B4GALT6: variants seen among roughly 807,000 people sequenced by gnomAD.
B4GALT6 encodes the protein UDP-Gal:beta-GlcNAc beta-1,4-galactosyltransferase 6.
In B4GALT6, 14 loss-of-function variants were observed where a neutral mutation model predicts 46.3. The observed-to-expected ratio is 0.30, with a 90% CI of 0.20 to 0.47. The LOEUF is 0.47. Among genes scored for constraint, B4GALT6 ranks in the 20% least tolerant of loss-of-function variants. The pLI is 0.99. For synonymous variants in B4GALT6, 168 were observed against 162.0 expected (o/e 1.04, Z -0.28); for missense variants, 386 against 480.1 (o/e 0.80, Z 1.83).
At chr18:31,717,784 G>A in the B4GALT6 span, among the ~76,000 whole-genome samples, 16 of 152,030 alleles carry the variant, frequency 1.1e-4, no homozygotes, top group East Asian at 1.7e-3. Context: ...GAGAAACCCC[G>A]TCTCTACTAA....
chr18:31,660,036 T>C (rs1184881429), intron 2 of B4GALT6, among the ~76,000 whole-genome samples: 1 of 150,058 alleles, frequency 6.7e-6, no homozygotes, highest in African/African-American at 2.4e-5. Flanking sequence ...CACTGCAGCA[T>C]TGACTTCCTG....
At chr18:31,659,442 CT>C (rs1567974463) in intron 2 of B4GALT6, among the ~76,000 whole-genome samples, 1 of 152,154 alleles carries the variant, frequency 6.6e-6, no homozygotes, top group East Asian at 1.9e-4. Context: ...TGCAAGACTG[CT>C]GAATGAAAGA....
At chr18:31,636,820 T>C (rs2073864464) in intron 5 of B4GALT6, among the ~76,000 whole-genome samples, 2 of 152,212 alleles carry the variant, frequency 1.3e-5, no homozygotes, top group Non-Finnish European at 2.9e-5. Context: ...AATTTATTTT[T>C]ATTTTTATTT....
chr18:31,674,481 T>C (rs1411954973), intron 1 of B4GALT6, among the ~76,000 whole-genome samples: 1 of 152,198 alleles, frequency 6.6e-6, no homozygotes, highest in African/African-American at 2.4e-5. Flanking sequence ...TCCCATATTA[T>C]CTACGGAACA....
At chr18:31,719,099 C>T in the B4GALT6 span, 3 of 152,226 alleles carry the variant, frequency 2.0e-5, no homozygotes, top group Non-Finnish European at 2.9e-5. Flanking sequence ...AATAGCTGCA[C>T]TCCCCTGCTA....
intron 1 of B4GALT6, among the ~76,000 whole-genome samples, chr18:31,682,551 T>G (rs1267904730): frequency 6.6e-6 from 1 of 152,200 alleles, no homozygotes; most frequent in Non-Finnish European, 1.5e-5. Flanking sequence ...GGAAAATTTA[T>G]TAGTGTTTCA....
At chr18:31,657,817 A>C in intron 3 of B4GALT6, among the ~76,000 whole-genome samples, 159 bp downstream of exon 3, 1 of 152,216 alleles carries the variant, frequency 6.6e-6, no homozygotes, top group East Asian at 1.9e-4. Flanking sequence ...TTTGCCAAAA[A>C]ATAAATAAAT....
At chr18:31,660,802 CT>C (rs1366666483) in intron 2 of B4GALT6, among the ~76,000 whole-genome samples, 1 of 152,046 alleles carries the variant, frequency 6.6e-6, no homozygotes, top group Non-Finnish European at 1.5e-5. Context: ...ATATTCCATA[CT>C]GATAGGACTG....
chr18:31,673,887 C>A (rs962967809), intron 1 of B4GALT6, among the ~76,000 whole-genome samples: 2 of 152,036 alleles, frequency 1.3e-5, no homozygotes, highest in Non-Finnish European at 2.9e-5. Context: ...GGCAAGTACT[C>A]TTCTAAGAGA....
At chr18:31,656,650 GGTTT>G (rs1402338576) in intron 3 of B4GALT6, among the ~76,000 whole-genome samples, 1 of 151,792 alleles carries the variant, frequency 6.6e-6, no homozygotes, top group Non-Finnish European at 1.5e-5. Context: ...GGTAAGAAAA[GGTTT>G]AAGACCAAAA....
chr18:31,695,928 C>T, the B4GALT6 span, among the ~76,000 whole-genome samples: 1 of 151,946 alleles, frequency 6.6e-6, no homozygotes, highest in Non-Finnish European at 1.5e-5. Context: ...GGATAAGACA[C>T]AAAAAGAAGA....
At chr18:31,675,290 T>C (rs1264814074) in intron 1 of B4GALT6, among the ~76,000 whole-genome samples, 2 of 152,204 alleles carry the variant, frequency 1.3e-5, no homozygotes, top group Non-Finnish European at 2.9e-5. Flanking sequence ...ATGTTCAGGG[T>C]GGAAACATGT....
chr18:31,650,353 C>T (rs995401016), intron 3 of B4GALT6, among the ~76,000 whole-genome samples: 3 of 152,218 alleles, frequency 2.0e-5, no homozygotes, highest in Admixed American at 6.5e-5. Context: ...GCTTGAACTA[C>T]CCACCATTGG....
At chr18:31,657,826 A>G in intron 3 of B4GALT6, 150 bp downstream of exon 3, 1 of 481,696 alleles carries the variant, frequency 2.1e-6, no homozygotes, top group East Asian at 3.3e-5. Flanking sequence ...AAATAAATAA[A>G]TAAATAAAAG....
intron 8 of B4GALT6, 60 bp from the exon 9 acceptor site, chr18:31,625,821 T>C: frequency 1.4e-6 from 2 of 1,420,334 alleles, no homozygotes; most frequent in Non-Finnish European, 1.9e-6. Context: ...GGAAAACTGA[T>C]AAGGACTGTG....
chr18:31,688,247 G>GTA (rs1555643326), upstream of B4GALT6, among the ~76,000 whole-genome samples: 69 of 106,460 alleles, frequency 6.5e-4, no homozygotes, highest in Non-Finnish European at 6.8e-4. Flanking sequence ...ATAATTGAGT[G>GTA]TATATATATA....
chr18:31,671,802 T>C (rs1472050730), intron 1 of B4GALT6, among the ~76,000 whole-genome samples: 1 of 152,218 alleles, frequency 6.6e-6, no homozygotes, highest in Non-Finnish European at 1.5e-5. Flanking sequence ...AACCATGCTG[T>C]GTGTTCTCTA....
the B4GALT6 span, among the ~76,000 whole-genome samples, chr18:31,693,350 A>G: frequency 1.3e-5 from 2 of 152,220 alleles, no homozygotes; most frequent in African/African-American, 4.8e-5. Flanking sequence ...CACTCAGTGC[A>G]TGGAGAAAAG....
At chr18:31,719,500 T>C in the B4GALT6 span, among the ~76,000 whole-genome samples, 1 of 152,188 alleles carries the variant, frequency 6.6e-6, no homozygotes, top group Non-Finnish European at 1.5e-5. Flanking sequence ...AAAAAGATCA[T>C]GCCCTGTCTG....
Sources: allele counts gnomAD v4.1 joint callset (sites outside exome capture counted in the v4.1 genomes callset), GRCh38; gene constraint gnomAD v4.1.1; transcripts MANE v1.5; gene names NCBI Gene and HGNC (gene_info 2026-07-23, HGNC 2026-07-21).